H2BC12: variants seen among roughly 807,000 people sequenced by gnomAD.
The protein encoded by H2BC12 is H2B clustered histone 12.
A neutral mutation model predicts 6.3 loss-of-function variants in H2BC12; 6 were observed. The ratio of observed to expected loss-of-function variants is 0.95; its 90% confidence interval spans 0.52 to 1.87. H2BC12 has a LOEUF of 1.87. H2BC12 is among the 40% of genes most tolerant of loss of function. H2BC12 has a pLI of 0.01. For synonymous variants in H2BC12, 132 were observed against 78.5 expected (o/e 1.68, Z -3.60); for missense variants, 119 against 178.4 (o/e 0.67, Z 1.90).
Position 27,146,473 on chromosome 6 carries a change from T to C in H2BC12, c.326A>G (p.Lys109Arg). Residue 109 changes from lysine to arginine, a missense_variant, in exon 1 of 1, where the codon AAG becomes AGG. Physicochemically the swap from Lys to Arg is conservative, Grantham distance 26. Coordinates refer to ENST00000356950, the MANE Select transcript of H2BC12 (RefSeq NM_001312653.2). ...CTTGGTGCCCTCGGACACGGCGTGC[T>C]TGGCCAACTCCCCGGGCAGCAGCAG... ...VRLLLPGELA[K>R]HAVSEGTKAV... The C allele has an allele frequency of 1.9e-6, 3 of 1,614,230 alleles. No homozygotes were observed. Among genetic ancestry groups the C allele is most frequent in the Middle Eastern group, 1.6e-4 (1 of 6,062 alleles).
downstream of H2BC12, among the ~76,000 whole-genome samples, chr6:27,145,525 C>T (rs939017440): frequency 1.3e-5 from 2 of 152,308 alleles, 1 homozygote; most frequent in African/African-American, 4.8e-5. Context: ...TCTAACCCAC[C>T]ACCTAACACT....
At chr6:27,142,532 G>C (rs576410149), downstream of H2BC12, among the ~76,000 whole-genome samples, 1 of 152,032 alleles carries the variant, frequency 6.6e-6, no homozygotes, top group African/African-American at 2.4e-5. Flanking sequence ...CCAAAGTGCC[G>C]GGATTACAGG....
downstream of H2BC12, among the ~76,000 whole-genome samples, chr6:27,144,984 G>T (rs1207768765): frequency 6.6e-6 from 1 of 152,002 alleles, no homozygotes; most frequent in African/African-American, 2.4e-5. Context: ...TAGTAGAGAC[G>T]GGGTTTCACA....
Position 27,146,561 on chromosome 6 carries a change from G to A in H2BC12, c.238C>T (p.Arg80Cys). ...IFERIAGEAS[R>C]LAHYNKRSTI... ...GAGCGCTTGTTGTAATGCGCCAGGCGGGAAGCCTCACCCGCGATGCGTTCG... is the reference window on the plus strand; with the variant it reads ...GAGCGCTTGTTGTAATGCGCCAGGCAGGAAGCCTCACCCGCGATGCGTTCG... The change falls in exon 1 of 1, where the codon CGC becomes TGC. Residue 80 changes from arginine (R) to cysteine (C), a missense_variant. Transcript: ENST00000356950. 3.1e-6 allele frequency: 5 copies of A among 1,614,218 alleles called. No individual in the cohort carries two copies. Among genetic ancestry groups the A allele is most frequent in the African/African-American group, 1.3e-5 (1 of 75,044 alleles).
Position 27,146,747 on chromosome 6 carries a change from C to T in H2BC12, c.52G>A (p.Ala18Thr), listed in dbSNP as rs771936025. Residue 18 changes from alanine to threonine, a missense_variant, in exon 1 of 1, where the codon GCC becomes ACC. This residue lies in a region of H2BC12 where 50 missense variants were observed against 37.4 expected (regional missense o/e 1.34). Coordinates refer to ENST00000356950, the MANE Select transcript of H2BC12 (RefSeq NM_001312653.2). ...TCCTTCTTCTGCGCCTTAGTCACGGCTTTCTTCGAGCCCTTCTTGGGCGCG... is the reference window on the plus strand; with the variant it reads ...TCCTTCTTCTGCGCCTTAGTCACGGTTTTCTTCGAGCCCTTCTTGGGCGCG... ...APAPKKGSKKAVTKAQKKDGK... is the reference protein window; with the variant it reads ...APAPKKGSKKTVTKAQKKDGK... 5 of 1,614,134 alleles carry T rather than the reference C, an allele frequency of 3.1e-6. No homozygotes were observed. Among genetic ancestry groups the T allele is most frequent in the Admixed American group, 1.7e-5 (1 of 60,010 alleles).
chr6:27,146,767 G>A lies in H2BC12; in HGVS notation c.32C>T (p.Pro11Leu), dbSNP rs752116577. The A allele has an allele frequency of 6.2e-7, 1 of 1,614,214 alleles. No homozygotes were observed. The highest frequency in any genetic ancestry group is 8.5e-7 in the Non-Finnish European group (1 of 1,180,034). Reference sequence around the variant, plus strand: ...CACGGCTTTCTTCGAGCCCTTCTTGGGCGCGGGAGCGGACTTCGCTGGTTC... The same window carrying A: ...CACGGCTTTCTTCGAGCCCTTCTTGAGCGCGGGAGCGGACTTCGCTGGTTC... MPEPAKSAPA[P>L]KKGSKKAVTK... Residue 11 changes from proline to leucine, a missense_variant, in exon 1 of 1, where the codon CCC (proline) becomes CTC (leucine). This residue lies in a region of H2BC12 where 50 missense variants were observed against 37.4 expected (regional missense o/e 1.34). Coordinates refer to ENST00000356950, the MANE Select transcript of H2BC12 (RefSeq NM_001312653.2).
downstream of H2BC12, among the ~76,000 whole-genome samples, chr6:27,145,311 CACACACACACACACACACACACACACA>C (rs1760059195): frequency 6.8e-6 from 1 of 146,556 alleles, no homozygotes; most frequent in African/African-American, 2.7e-5. Flanking sequence ...CACACACACA[CACACACACACACACACACACACACACA>C]AAATTCCCCT....
At chr6:27,142,174 AAAG>A (rs1161655724), downstream of H2BC12, among the ~76,000 whole-genome samples, 11 of 152,238 alleles carry the variant, frequency 7.2e-5, no homozygotes, top group South Asian at 2.1e-4. Flanking sequence ...TGAAATGAAA[AAAG>A]AATACAAGAT....
chr6:27,143,682 A>G (rs944991291), downstream of H2BC12, among the ~76,000 whole-genome samples: 1 of 151,374 alleles, frequency 6.6e-6, no homozygotes, highest in African/African-American at 2.4e-5. Flanking sequence ...ATAAACCTCC[A>G]CTTTTCAATC....
chr6:27,139,392 G>A, the H2BC12 span: 1 of 1,614,226 alleles, frequency 6.2e-7, no homozygotes, highest in Non-Finnish European at 8.5e-7. Flanking sequence ...ACAACATCCA[G>A]GGTATCACCA....
downstream of H2BC12, among the ~76,000 whole-genome samples, chr6:27,144,454 T>G (rs1760044287): frequency 1.1e-4 from 1 of 9,268 alleles, no homozygotes; most frequent in African/African-American, 6.6e-4. Flanking sequence ...AGAGTGAGAC[T>G]CTGTCTGGGG....
At chr6:27,139,544 G>T in the H2BC12 span, 4 of 1,614,152 alleles carry the variant, frequency 2.5e-6, no homozygotes, top group Non-Finnish European at 3.4e-6. Flanking sequence ...CACGCCAAGC[G>T]CAAGACGGTC....
downstream of H2BC12, among the ~76,000 whole-genome samples, chr6:27,144,199 C>A (rs879712134): frequency 6.6e-5 from 10 of 152,140 alleles, no homozygotes; most frequent in Non-Finnish European, 1.2e-4. Flanking sequence ...TGGTGGCTCA[C>A]ACCTGTAATC....
chr6:27,139,032 T>C, the H2BC12 span: 2 of 359,576 alleles, frequency 5.6e-6, no homozygotes, highest in Non-Finnish European at 1.0e-5. Context: ...CTTTTTGCTT[T>C]ATGTATCTTC....
At chr6:27,142,951 T>C (rs1323046959), downstream of H2BC12, among the ~76,000 whole-genome samples, 1 of 152,120 alleles carries the variant, frequency 6.6e-6, no homozygotes, top group East Asian at 1.9e-4. Context: ...TATTTCTATT[T>C]GAGTAGTGTC....
At chr6:27,139,210 GC>G in the H2BC12 span, 4 of 1,377,986 alleles carry the variant, frequency 2.9e-6, no homozygotes, top group Non-Finnish European at 3.9e-6. Flanking sequence ...GGGACTTCCC[GC>G]CAAAGCTCTT....
downstream of H2BC12, among the ~76,000 whole-genome samples, chr6:27,145,258 C>A (rs1425515445): frequency 6.6e-6 from 1 of 150,650 alleles, no homozygotes; most frequent in Non-Finnish European, 1.5e-5. Flanking sequence ...GGCAATATCC[C>A]CAAAGACTAG....
downstream of H2BC12, among the ~76,000 whole-genome samples, chr6:27,145,004 C>A (rs1040852684): frequency 6.6e-6 from 1 of 152,052 alleles, no homozygotes; most frequent in Non-Finnish European, 1.5e-5. Flanking sequence ...ACTATGTTAG[C>A]CATGCTGGTT....
At chr6:27,140,117 T>C in the H2BC12 span, among the ~76,000 whole-genome samples, 1 of 152,150 alleles carries the variant, frequency 6.6e-6, no homozygotes, top group African/African-American at 2.4e-5. Flanking sequence ...CTTTTACTAC[T>C]GTAGAACAGT....
Sources: allele counts gnomAD v4.1 joint callset (sites outside exome capture counted in the v4.1 genomes callset), GRCh38; gene constraint gnomAD v4.1.1; regional missense constraint gnomAD v4.1.1; transcripts MANE v1.5; gene names NCBI Gene and HGNC (gene_info 2026-07-23, HGNC 2026-07-21).